Variants in FAT3 observed in about 807,000 individuals in gnomAD.
FAT3 encodes the protein FAT atypical cadherin 3, also known as protocadherin Fat 3.
In FAT3, 95 loss-of-function variants were observed where a neutral mutation model predicts 310.2. That is an observed-to-expected ratio of 0.31 (90% CI 0.26 to 0.36). The LOEUF (loss-of-function observed/expected upper bound fraction) is 0.36. Ranked by LOEUF, FAT3 falls within the 10% of genes least tolerant of loss-of-function variation. The pLI is 1.00. For synonymous variants in FAT3, 2,314 were observed against 2,192.9 expected, an observed-to-expected ratio of 1.06 and a Z score of -1.54; for missense variants, 5,408 against 5,715.6, an observed-to-expected ratio of 0.95 and a Z score of 1.74.
Position 92,411,439 on chromosome 11 carries a change from G to A in FAT3, c.3292+56035G>A, listed in dbSNP as rs1203625916. On this transcript the variant is annotated intron_variant, in intron 2 of 27. Coordinates refer to ENST00000525166, the MANE Select transcript of FAT3 (RefSeq NM_001367949.2). ...TAAGTGTGGGGAGAGATTGTGTCTA[G>A]TTCATTGCTTCTGAAAGTGTGTCTA... Among the ~76,000 whole-genome samples the A allele has an allele frequency of 2.0e-5, 3 of 152,060 alleles. No individual in the cohort carries two copies. In the South Asian group the frequency reaches 6.2e-4, roughly 32 times the overall value.
chr11:92,632,245 G>T (rs1412519834), intron 3 of FAT3, among the ~76,000 whole-genome samples: 1 of 152,176 alleles, frequency 6.6e-6, no homozygotes, highest in Non-Finnish European at 1.5e-5. Flanking sequence ...ATGCTAATGA[G>T]GACTAGGCAC....
chr11:92,766,012 G>A (rs1946300444), intron 6 of FAT3, among the ~76,000 whole-genome samples: 1 of 152,040 alleles, frequency 6.6e-6, no homozygotes, highest in Non-Finnish European at 1.5e-5. Flanking sequence ...AAGAGGAAGG[G>A]CAGGAAATGG....
chr11:92,361,675 T>A (rs945846158), intron 2 of FAT3, among the ~76,000 whole-genome samples: 1 of 152,190 alleles, frequency 6.6e-6, no homozygotes, highest in Non-Finnish European at 1.5e-5. Flanking sequence ...GTAAGGTTTT[T>A]TTTTTTATAG....
At chr11:92,708,703 A>C (rs1303127652) in intron 4 of FAT3, among the ~76,000 whole-genome samples, 1 of 152,252 alleles carries the variant, frequency 6.6e-6, no homozygotes, top group East Asian at 1.9e-4. Context: ...TACTTATGAT[A>C]CTTTAATAAG....
rs756385214 is a variant in FAT3, at chr11:92,353,781, C to A, written c.1669C>A (p.Arg557Ser). 16 of 1,613,394 alleles carry A rather than the reference C, an allele frequency of 9.9e-6. No homozygotes were observed. The highest frequency in any genetic ancestry group is 1.4e-5 in the Non-Finnish European group (16 of 1,179,574). Reference protein sequence around the residue: ...VRASDWGSPYRHESEVNVTIR... With the variant: ...VRASDWGSPYSHESEVNVTIR... ...AGCCTCTGACTGGGGTTCACCATACCGCCATGAAAGTGAGGTCAATGTGAC... is the reference window on the plus strand; with the variant it reads ...AGCCTCTGACTGGGGTTCACCATACAGCCATGAAAGTGAGGTCAATGTGAC... The change falls in exon 2 of 28, where the codon CGC becomes AGC. Residue 557 changes from arginine to serine, a missense_variant. Arg to Ser is a moderately radical substitution (Grantham distance 110, BLOSUM62 -1). Around this residue, in one of 5 missense-constraint regions of FAT3, gnomAD observed 4,588 missense variants for 4,809.8 expected, o/e 0.95. Coordinates refer to ENST00000525166, the MANE Select transcript of FAT3 (RefSeq NM_001367949.2).
At chr11:92,379,147 G>C (rs1183531966) in intron 2 of FAT3, among the ~76,000 whole-genome samples, 1 of 151,998 alleles carries the variant, frequency 6.6e-6, no homozygotes, top group Non-Finnish European at 1.5e-5. Context: ...AAAATATTCT[G>C]TTTTCCTCCT....
rs537697483 is a variant in FAT3, at chr11:92,522,821, ATGTATGTTG to A, written c.3293-1812_3293-1804del. 1.3e-4 allele frequency among the ~76,000 whole-genome samples: 20 copies of A among 152,244 alleles called. No homozygotes were observed. The South Asian group carries it at 3.9e-3, about 30-fold the overall frequency. ...AATCCTGCCCCAAAGTGAACATAGA[ATGTATGTTG>A]CATGTATGTTTGCCCACTGCGAATA... On this transcript the variant is annotated intron_variant, in intron 2 of 27. Transcript: ENST00000525166.
chr11:92,765,520 T>C (rs1430016848), intron 6 of FAT3, among the ~76,000 whole-genome samples: 1 of 152,132 alleles, frequency 6.6e-6, no homozygotes, highest in Non-Finnish European at 1.5e-5. Context: ...GCAAGCATGC[T>C]CGAGAGATGT....
Position 92,397,986 on chromosome 11 carries a change from C to A in FAT3, c.3292+42582C>A, listed in dbSNP as rs558076550. The stretch of plus-strand genomic sequence containing the variant: ...AACAAAAACTGGGGGGCTTCAACAG[C>A]AGAAATGTATTGTCTGACAGTTCTG... On this transcript the variant is annotated intron_variant, in intron 2 of 27. Transcript: ENST00000525166. Among the ~76,000 whole-genome samples the A allele has an allele frequency of 1.6e-4, 24 of 152,194 alleles. 1 individual carries two copies. The South Asian group carries it at 5.0e-3, about 32-fold the overall frequency.
Position 92,774,191 on chromosome 11 carries a change from A to G in FAT3, c.4335+11A>G. 1 of 1,601,444 alleles carries G rather than the reference A, an allele frequency of 6.2e-7. No homozygotes were observed. The highest frequency in any genetic ancestry group is 1.1e-5 in the South Asian group (1 of 88,340). On this transcript the variant is annotated intron_variant, in intron 7 of 27. Transcript: ENST00000525166. ...GTTGCTGTTACTCAGGTGAGATGTTAAATTACTGAATAGCAGGAATGCTGA... is the reference window on the plus strand; with the variant it reads ...GTTGCTGTTACTCAGGTGAGATGTTGAATTACTGAATAGCAGGAATGCTGA...
chr11:92,413,432 T>C (rs1475615080), intron 2 of FAT3, among the ~76,000 whole-genome samples: 1 of 152,228 alleles, frequency 6.6e-6, no homozygotes, highest in Non-Finnish European at 1.5e-5. Flanking sequence ...ATCATCATGA[T>C]CATTTGTTCA....
intron 2 of FAT3, among the ~76,000 whole-genome samples, chr11:92,394,486 C>T (rs1949817315): frequency 1.3e-5 from 2 of 152,018 alleles, no homozygotes; most frequent in South Asian, 4.1e-4. Flanking sequence ...TCACCCTTTC[C>T]ACCACCAGTT....
chr11:92,807,722 C>G (rs1947544775), intron 12 of FAT3, among the ~76,000 whole-genome samples: 1 of 152,148 alleles, frequency 6.6e-6, no homozygotes, highest in Non-Finnish European at 1.5e-5. Context: ...TTCTCCAAAC[C>G]TATAAGCCCT....
rs570431790 is a variant in FAT3, at chr11:92,738,469, C to T, written c.3670-23387C>T. Among the ~76,000 whole-genome samples, 1,298 of 152,276 alleles carry T rather than the reference C, an allele frequency of 8.5e-3. 29 individuals are homozygous for T. The highest frequency in any genetic ancestry group is 0.03 in the African/African-American group (1,236 of 41,554). On this transcript the variant is annotated intron_variant, in intron 4 of 27. Transcript: ENST00000525166. Reference sequence around the variant, plus strand: ...TGATTTGTAATCATGGCTGTCATCTCCTCCAGATGGGAAGCTCCTGTGGCG... The same window carrying T: ...TGATTTGTAATCATGGCTGTCATCTTCTCCAGATGGGAAGCTCCTGTGGCG...
At chr11:92,859,000 G>A (rs904445440) in intron 20 of FAT3, among the ~76,000 whole-genome samples, 165 bp from the exon 21 acceptor site, 1 of 152,138 alleles carries the variant, frequency 6.6e-6, no homozygotes, top group African/African-American at 2.4e-5. Flanking sequence ...GATGTGAAAT[G>A]GAAAACTGGT....
At chr11:92,384,672 T>C (rs1949577258) in intron 2 of FAT3, among the ~76,000 whole-genome samples, 1 of 152,176 alleles carries the variant, frequency 6.6e-6, no homozygotes, top group African/African-American at 2.4e-5. Flanking sequence ...ATGTGCTTCC[T>C]GATGTACGGG....
In FAT3 at chr11:92,711,547, T is replaced by C. The variant is rs182818307; in HGVS notation, c.3669+14102T>C. 8.5e-5 allele frequency among the ~76,000 whole-genome samples: 13 copies of C among 152,318 alleles called. No individual in the cohort carries two copies. In the East Asian group the frequency reaches 2.5e-3, roughly 29 times the overall value. On this transcript the variant is annotated intron_variant, in intron 4 of 27. Transcript: ENST00000525166. ...AGACTCTGGACATCATCTAATGTAA[T>C]TTGGCAGATTATTTCCAATACTTGA...
At chr11:92,331,772 A>T (rs1453890442) in intron 1 of FAT3, among the ~76,000 whole-genome samples, 2 of 152,222 alleles carry the variant, frequency 1.3e-5, no homozygotes, top group African/African-American at 4.8e-5. Flanking sequence ...ATACCCACTC[A>T]TTTAGAAAAG....
chr11:92,293,553 A>AT (rs1565206851), intron 1 of FAT3, among the ~76,000 whole-genome samples: 605 of 16,030 alleles, frequency 0.038, 28 homozygotes, highest in African/African-American at 0.083. Context: ...TATATATATA[A>AT]ATAAAATATA....
Sources: allele counts gnomAD v4.1 joint callset (sites outside exome capture counted in the v4.1 genomes callset), GRCh38; gene constraint gnomAD v4.1.1; regional missense constraint gnomAD v4.1.1; transcripts MANE v1.5; gene names NCBI Gene and HGNC (gene_info 2026-07-23, HGNC 2026-07-21).